The following GPC6 variants were observed in gnomAD, a reference collection of about 807,000 sequenced individuals.
GPC6 encodes glypican-6.
A neutral mutation model predicts 55.2 loss-of-function variants in GPC6; 14 were observed. The observed-to-expected ratio is 0.25, with a 90% CI of 0.17 to 0.40. The LOEUF (loss-of-function observed/expected upper bound fraction) is 0.40. GPC6 is among the 10% of genes least tolerant of loss of function. GPC6 has a pLI of 1.00. For missense variants in GPC6, 641 were observed against 708.5 expected (o/e 0.90, Z 1.08); for synonymous variants, 278 against 259.6 (o/e 1.07, Z -0.68).
intron 3 of GPC6, among the ~76,000 whole-genome samples, chr13:93,838,908 C>T (rs1383349682): frequency 2.0e-5 from 3 of 152,052 alleles, no homozygotes; most frequent in Admixed American, 6.6e-5. Context: ...TGTTTGTTGG[C>T]AAAGGATAGC....
At chr13:93,580,537 C>T (rs1243709280) in intron 2 of GPC6, among the ~76,000 whole-genome samples, 1 of 152,116 alleles carries the variant, frequency 6.6e-6, no homozygotes, top group South Asian at 2.1e-4. Context: ...ATTCATGTAA[C>T]AGATACTTAT....
chr13:94,127,515 C>T (rs150187049), intron 4 of GPC6, among the ~76,000 whole-genome samples: 4,294 of 152,216 alleles, frequency 0.028, 96 homozygotes, highest in Non-Finnish European at 0.041. Flanking sequence ...GTAAAGCCTG[C>T]AGAACTGTGA....
At chr13:93,216,914 A>G in the GPC6 span, among the ~76,000 whole-genome samples, 1 of 152,324 alleles carries the variant, frequency 6.6e-6, no homozygotes, top group South Asian at 2.1e-4. Flanking sequence ...TGGCCTGTGA[A>G]AATGCATGAC....
chr13:94,045,150 A>G (rs1883686092), intron 4 of GPC6, among the ~76,000 whole-genome samples: 1 of 151,860 alleles, frequency 6.6e-6, no homozygotes, highest in African/African-American at 2.4e-5. Context: ...TCTTCCTGTC[A>G]TAGAATTCTG....
At chr13:94,272,076 A>C (rs1194868273) in intron 4 of GPC6, among the ~76,000 whole-genome samples, 2 of 152,058 alleles carry the variant, frequency 1.3e-5, no homozygotes, top group Admixed American at 1.3e-4. Context: ...GAGCAATAAA[A>C]TAATAAAATA....
intron 3 of GPC6, among the ~76,000 whole-genome samples, chr13:93,974,062 C>T (rs1880411125): frequency 6.6e-6 from 1 of 152,162 alleles, no homozygotes; most frequent in South Asian, 2.1e-4. Context: ...ACATCGTTTT[C>T]TACTTTAGCT....
chr13:94,312,076 A>T (rs150522082), intron 6 of GPC6, among the ~76,000 whole-genome samples: 1 of 152,150 alleles, frequency 6.6e-6, no homozygotes, highest in African/African-American at 2.4e-5. Flanking sequence ...ACTTCCTTGA[A>T]CATACTGGAA....
intron 2 of GPC6, among the ~76,000 whole-genome samples, chr13:93,618,197 TA>T (rs1199346990): frequency 6.6e-6 from 1 of 152,126 alleles, no homozygotes; most frequent in Non-Finnish European, 1.5e-5. Context: ...ATGGATCAAA[TA>T]TTTTATATAT....
rs563035846 is a variant in GPC6 at position 94,266,425 on chromosome 13, C to T, written c.878-19924C>T. Among the ~76,000 whole-genome samples, 306 of 152,284 alleles carry T rather than the reference C, an allele frequency of 2.0e-3. 1 individual carries two copies. Among genetic ancestry groups the T allele is most frequent in the African/African-American group, 7.0e-3 (293 of 41,562 alleles). ...CCTCGTGATCCGCCCGCCTTGGCCT[C>T]CCAAAGTGCTGGGATTACAGGCGTG... On this transcript the variant is annotated intron_variant, in intron 4 of 8. Transcript: ENST00000377047.
intron 3 of GPC6, among the ~76,000 whole-genome samples, chr13:93,911,757 G>A (rs2140336418): frequency 6.6e-6 from 1 of 152,334 alleles, no homozygotes; most frequent in Middle Eastern, 3.4e-3. Flanking sequence ...GTATCTTTCA[G>A]TGTTGTTATA....
intron 4 of GPC6, among the ~76,000 whole-genome samples, chr13:94,052,140 A>G (rs1883970550): frequency 6.6e-6 from 1 of 152,200 alleles, no homozygotes; most frequent in Non-Finnish European, 1.5e-5. Context: ...ACATATGTTG[A>G]AAATGCTATA....
intron 4 of GPC6, among the ~76,000 whole-genome samples, chr13:94,111,180 GT>G (rs1303473374): frequency 2.6e-5 from 4 of 151,702 alleles, no homozygotes; most frequent in Non-Finnish European, 4.4e-5. Context: ...ATTATATTTT[GT>G]TTTTTCTCGT....
intron 3 of GPC6, among the ~76,000 whole-genome samples, chr13:93,912,105 A>G (rs1424755150): frequency 6.6e-6 from 1 of 152,212 alleles, no homozygotes; most frequent in Non-Finnish European, 1.5e-5. Context: ...GTTAATTACA[A>G]TGGGATCCAT....
At chr13:93,891,843 G>C (rs966625949) in intron 3 of GPC6, among the ~76,000 whole-genome samples, 1 of 151,898 alleles carries the variant, frequency 6.6e-6, no homozygotes, top group Non-Finnish European at 1.5e-5. Flanking sequence ...ATGTGTGTGT[G>C]TGTATATGTA....
chr13:93,697,152 T>C (rs563258942), intron 2 of GPC6, among the ~76,000 whole-genome samples: 13 of 152,256 alleles, frequency 8.5e-5, no homozygotes, highest in Admixed American at 3.9e-4. Flanking sequence ...TGATAATACC[T>C]GGCCCCAGCC....
intron 4 of GPC6, among the ~76,000 whole-genome samples, chr13:94,074,637 C>A (rs114945819): frequency 6.6e-6 from 1 of 152,306 alleles, no homozygotes; most frequent in African/African-American, 2.4e-5. Flanking sequence ...GCAGAGCAGA[C>A]AATTACCCCA....
intron 4 of GPC6, among the ~76,000 whole-genome samples, chr13:94,142,472 A>G (rs1312247614): frequency 6.6e-6 from 1 of 152,202 alleles, no homozygotes; most frequent in Admixed American, 6.5e-5. Flanking sequence ...TTTATCCATA[A>G]TCTCACAATT....
chr13:94,373,856 A>C (rs1471920770), intron 6 of GPC6, among the ~76,000 whole-genome samples: 1 of 152,170 alleles, frequency 6.6e-6, no homozygotes, highest in Admixed American at 6.5e-5. Flanking sequence ...TCAGACTAAC[A>C]GCGGATCTCT....
intron 1 of GPC6, among the ~76,000 whole-genome samples, chr13:93,310,213 G>C (rs562985242): frequency 6.6e-6 from 1 of 152,136 alleles, no homozygotes; most frequent in Non-Finnish European, 1.5e-5. Flanking sequence ...ACCTCCCTCT[G>C]CTTCTCATCT....
Sources: gnomAD v4.1 joint callset for allele counts (sites outside exome capture counted in the v4.1 genomes callset) on GRCh38, gnomAD v4.1.1 for gene constraint, MANE v1.5 for transcripts, NCBI Gene and HGNC (gene_info 2026-07-23, HGNC 2026-07-21) for gene names.